The following DNER variants were observed in gnomAD, a reference collection of about 807,000 sequenced individuals.
DNER encodes delta/notch like EGF repeat containing.
DNER carries 33 observed loss-of-function variants against 78.2 expected under a neutral mutation model. The ratio of observed to expected loss-of-function variants is 0.42; its 90% CI spans 0.32 to 0.56. DNER has a LOEUF of 0.56. DNER is among the 20% of genes least tolerant of loss of function. The pLI, the probability that DNER is intolerant of heterozygous loss-of-function variation, is 0.11. For synonymous variants in DNER, 417 were observed against 384.8 expected (o/e 1.08, Z -0.98); for missense variants, 918 against 975.3 (o/e 0.94, Z 0.78).
intron 6 of DNER, among the ~76,000 whole-genome samples, chr2:229,479,262 C>A (rs1695102975): frequency 6.6e-6 from 1 of 152,124 alleles, no homozygotes; most frequent in African/African-American, 2.4e-5. Context: ...GAGTCAGAGC[C>A]CTGTGTCCAA....
intron 1 of DNER, among the ~76,000 whole-genome samples, chr2:229,647,009 AT>A (rs953614082): frequency 2.0e-5 from 3 of 152,188 alleles, no homozygotes; most frequent in African/African-American, 7.2e-5. Context: ...TCTACTAAAA[AT>A]GCAAAACTTA....
At chr2:229,639,054 T>C (rs1698571908) in intron 1 of DNER, among the ~76,000 whole-genome samples, 1 of 152,214 alleles carries the variant, frequency 6.6e-6, no homozygotes, top group Non-Finnish European at 1.5e-5. Context: ...TGGCAGTGTC[T>C]GGGAGTGAGG....
At position 229,467,626 on chromosome 2, in the gene DNER, G is replaced by A. The variant is rs1004848979; in HGVS notation, c.1261+9514C>T. On this transcript the variant is annotated intron_variant, in intron 7 of 12. Transcript: ENST00000341772. The stretch of plus-strand genomic sequence containing the variant: ...CACTTTAGCTTCCCCCATTGTTGTG[G>A]TCTAAAGAGGGGTATGTGTGAGGAG... 3.3e-5 allele frequency among the ~76,000 whole-genome samples: 5 copies of A among 152,146 alleles called. No individual in the cohort carries two copies. The South Asian group carries it at 1.0e-3, about 32-fold the overall frequency.
At chr2:229,687,650 C>G (rs576035943) in intron 1 of DNER, among the ~76,000 whole-genome samples, 1 of 152,274 alleles carries the variant, frequency 6.6e-6, no homozygotes, top group East Asian at 1.9e-4. Context: ...TTCATGTTGT[C>G]TAATTGCTTT....
chr2:229,501,745 C>T (rs1695628008), intron 6 of DNER, among the ~76,000 whole-genome samples: 1 of 152,068 alleles, frequency 6.6e-6, no homozygotes, highest in African/African-American at 2.4e-5. Context: ...AGGCACACTC[C>T]CCTCTGTTTG....
chr2:229,419,629 T>C (rs1297719563), intron 8 of DNER, among the ~76,000 whole-genome samples: 1 of 152,160 alleles, frequency 6.6e-6, no homozygotes, highest in Non-Finnish European at 1.5e-5. Context: ...CCATTTCAGT[T>C]GTTTTTGAAC....
rs540000361 is a variant in DNER, at chr2:229,493,169, C to T, written c.1148-15916G>A. ...AGAGTAAATGTGGGAAGGGAACACG[C>T]GCAACAACATTCCCGTTGCCTCGGA... is the stretch of plus-strand genomic sequence containing the variant. On this transcript the variant is annotated intron_variant, in intron 6 of 12. Coordinates refer to ENST00000341772, the MANE Select transcript of DNER (RefSeq NM_139072.4). 7.2e-5 allele frequency among the ~76,000 whole-genome samples: 11 copies of T among 152,272 alleles called. No homozygotes were observed. The East Asian group carries it at 7.7e-4, about 11-fold the overall frequency.
At chr2:229,419,717 T>C (rs965386408) in intron 8 of DNER, among the ~76,000 whole-genome samples, 5 of 152,090 alleles carry the variant, frequency 3.3e-5, no homozygotes, top group Non-Finnish European at 7.3e-5. Context: ...ACTATAGTTT[T>C]CAATTCTTCT....
At chr2:229,553,592 C>T (rs541800761) in intron 4 of DNER, among the ~76,000 whole-genome samples, 1 of 152,296 alleles carries the variant, frequency 6.6e-6, no homozygotes, top group African/African-American at 2.4e-5. Context: ...GAGAAACTGA[C>T]ATGTCCGGCC....
chr2:229,637,834 G>A (rs1211415123), intron 1 of DNER, among the ~76,000 whole-genome samples: 2 of 152,120 alleles, frequency 1.3e-5, no homozygotes, highest in East Asian at 3.8e-4. Context: ...AGACATGGAG[G>A]CATTTGGCCA....
chr2:229,680,689 T>A (rs1485136669), intron 1 of DNER, among the ~76,000 whole-genome samples: 1 of 152,244 alleles, frequency 6.6e-6, no homozygotes, highest in Non-Finnish European at 1.5e-5. Context: ...AATCAGAACA[T>A]CCACTTACTT....
intron 1 of DNER, among the ~76,000 whole-genome samples, chr2:229,628,267 G>A (rs1013452709): frequency 4.6e-5 from 7 of 152,132 alleles, no homozygotes; most frequent in Non-Finnish European, 7.3e-5. Flanking sequence ...TAGGAAGGAG[G>A]AAGTCATCAA....
intron 1 of DNER, among the ~76,000 whole-genome samples, chr2:229,629,186 T>A (rs185006247): frequency 2.0e-5 from 3 of 152,330 alleles, no homozygotes; most frequent in Admixed American, 2.0e-4. Flanking sequence ...ATACAAACCC[T>A]GCTCATTGAA....
At chr2:229,442,387 T>C (rs1040728996) in intron 8 of DNER, among the ~76,000 whole-genome samples, 17 of 151,832 alleles carry the variant, frequency 1.1e-4, no homozygotes, top group African/African-American at 4.1e-4. Context: ...TGGTGGTGGG[T>C]GCCTGTAGTC....
intron 1 of DNER, among the ~76,000 whole-genome samples, chr2:229,618,686 G>T (rs375299136): frequency 1.6e-4 from 25 of 152,332 alleles, no homozygotes; most frequent in Admixed American, 1.2e-3. Context: ...TTTGTGAGTA[G>T]ACTAAAGTCA....
chr2:229,578,808 A>C (rs1697345978), intron 4 of DNER, among the ~76,000 whole-genome samples: 1 of 152,248 alleles, frequency 6.6e-6, no homozygotes, highest in Non-Finnish European at 1.5e-5. Flanking sequence ...AGGGAAGCAG[A>C]GTTCAAGAAT....
chr2:229,634,735 C>T (rs965365401), intron 1 of DNER, among the ~76,000 whole-genome samples: 5 of 152,154 alleles, frequency 3.3e-5, no homozygotes, highest in Admixed American at 2.6e-4. Context: ...ACAAGGCTGC[C>T]GGCCCAAAGG....
At chr2:229,603,758 T>G (rs1232696516) in intron 1 of DNER, among the ~76,000 whole-genome samples, 1 of 143,374 alleles carries the variant, frequency 7.0e-6, no homozygotes, top group East Asian at 1.9e-4. Context: ...TTTCTGTGCT[T>G]TGCAAGTTTG....
rs373930145 is a variant in DNER, at chr2:229,462,710, C to T, written c.1261+14430G>A. On this transcript the variant is annotated intron_variant, in intron 7 of 12. Coordinates refer to ENST00000341772, the MANE Select transcript of DNER (RefSeq NM_139072.4). ...TCTTAAAATGTTAATATTATCATGA[C>T]TTCCAGTAATTCCTAGAATAAAATT... 3.8e-4 allele frequency among the ~76,000 whole-genome samples: 58 copies of T among 152,220 alleles called. 2 individuals carry two copies. Among genetic ancestry groups the T allele is most frequent in the African/African-American group, 1.3e-3 (54 of 41,460 alleles).
Sources: allele counts gnomAD v4.1 joint callset (sites outside exome capture counted in the v4.1 genomes callset), GRCh38; gene constraint gnomAD v4.1.1; transcripts MANE v1.5; gene names NCBI Gene and HGNC (gene_info 2026-07-23, HGNC 2026-07-21).